The following SCN8A variants were observed in gnomAD, a reference collection of about 807,000 sequenced individuals.
SCN8A encodes the protein sodium channel protein type 8 subunit alpha.
SCN8A carries 30 observed loss-of-function variants against 184.1 expected under a neutral mutation model. The ratio of observed to expected loss-of-function variants is 0.16; its 90% CI spans 0.12 to 0.22. SCN8A has a LOEUF of 0.22. SCN8A is among the 10% of genes least tolerant of loss of function. The pLI, the probability that SCN8A is intolerant of heterozygous loss-of-function variation, is 1.00. For missense variants in SCN8A, 1,057 were observed against 2,498.9 expected, an observed-to-expected ratio of 0.42 and a Z score of 12.30; for synonymous variants, 852 against 907.0, an observed-to-expected ratio of 0.94 and a Z score of 1.09.
chr12:51,631,296 G>T (rs1219629191), intron 1 of SCN8A, among the ~76,000 whole-genome samples: 1 of 152,156 alleles, frequency 6.6e-6, no homozygotes, highest in Non-Finnish European at 1.5e-5. Flanking sequence ...CTATTGACAG[G>T]GTCAGGTTGG....
intron 11 of SCN8A, among the ~76,000 whole-genome samples, chr12:51,715,777 C>T (rs945861701): frequency 2.6e-5 from 4 of 151,880 alleles, no homozygotes; most frequent in African/African-American, 9.7e-5. Context: ...CAGCATTGAC[C>T]TAAGGCAAAA....
At chr12:51,625,188 C>G (rs893498019) in intron 1 of SCN8A, among the ~76,000 whole-genome samples, 1 of 152,198 alleles carries the variant, frequency 6.6e-6, no homozygotes, top group Non-Finnish European at 1.5e-5. Flanking sequence ...TCCCTGTAGT[C>G]AAACACCTTC....
chr12:51,626,800 A>G (rs1940088181), intron 1 of SCN8A, among the ~76,000 whole-genome samples: 1 of 150,268 alleles, frequency 6.7e-6, no homozygotes, highest in African/African-American at 2.4e-5. Flanking sequence ...ATTTATTTAT[A>G]TTAAATTATT....
At chr12:51,800,934 C>T (rs1592171094) in intron 26 of SCN8A, among the ~76,000 whole-genome samples, 1 of 152,290 alleles carries the variant, frequency 6.6e-6, no homozygotes, top group Non-Finnish European at 1.5e-5. Flanking sequence ...CCCCTTTATT[C>T]AAGGGGAATA....
intron 12 of SCN8A, among the ~76,000 whole-genome samples, chr12:51,742,824 A>G (rs1942449437): frequency 6.6e-6 from 1 of 152,134 alleles, no homozygotes; most frequent in Admixed American, 6.5e-5. Flanking sequence ...TTTTAAGGCC[A>G]ATAACTCTAA....
chr12:51,804,353 G>C (rs933491670), intron 26 of SCN8A, among the ~76,000 whole-genome samples: 1 of 150,126 alleles, frequency 6.7e-6, no homozygotes, highest in African/African-American at 2.5e-5. Context: ...TAAAGACAGA[G>C]TCTCTGCCTG....
chr12:51,665,535 T>C (rs928036617), intron 2 of SCN8A, among the ~76,000 whole-genome samples: 1 of 152,216 alleles, frequency 6.6e-6, no homozygotes, highest in Non-Finnish European at 1.5e-5. Flanking sequence ...GCACTTTAGA[T>C]ATGTTCATTG....
chr12:51,803,939 C>T (rs1271925831), intron 26 of SCN8A, among the ~76,000 whole-genome samples: 1 of 152,096 alleles, frequency 6.6e-6, no homozygotes, highest in Non-Finnish European at 1.5e-5. Context: ...ATTCTATAGC[C>T]TTCTGCAGTT....
rs147975528 is a variant in SCN8A at position 51,729,767 on chromosome 12, A to AT, written c.1998+7866dup. ...AACAGTTCCTCAGAATAGTTACACC[A>AT]TTTTTTTATCCCACCAACAATGTAT... On this transcript the variant is annotated intron_variant, in intron 12 of 26. Transcript: ENST00000627620. Among the ~76,000 whole-genome samples the AT allele has an allele frequency of 7.0e-3, 1,073 of 152,224 alleles. 13 individuals are homozygous for AT. Among genetic ancestry groups the AT allele is most frequent in the African/African-American group, 0.023 (968 of 41,528 alleles).
intron 1 of SCN8A, among the ~76,000 whole-genome samples, chr12:51,662,422 T>TTTACCTGGGTA (rs1191294092): frequency 6.6e-6 from 1 of 152,182 alleles, no homozygotes; most frequent in African/African-American, 2.4e-5. Context: ...ACAGCTAATA[T>TTTACCTGGGTA]ATGCCCCTGG....
intron 1 of SCN8A, among the ~76,000 whole-genome samples, chr12:51,631,502 A>C (rs1381402491): frequency 6.6e-6 from 1 of 152,168 alleles, no homozygotes; most frequent in East Asian, 1.9e-4. Flanking sequence ...TGCGTACTTC[A>C]ACTGGCACTG....
In SCN8A at chr12:51,751,546, C is replaced by T. The variant is rs1942595630; in HGVS notation, c.2323C>T (p.His775Tyr). 6.2e-7 allele frequency: 1 copy of T among 1,613,726 alleles called. No homozygotes were observed. The highest frequency in any genetic ancestry group is 1.7e-5 in the Admixed American group (1 of 59,988). The stretch of plus-strand genomic sequence containing the variant: ...TACACTGTTTATGGCAATGGAGCAC[C>T]ATCCTATGACACCACAATTTGAACA... ...LNTLFMAMEH[H>Y]PMTPQFEHVL... Residue 775 changes from histidine to tyrosine, a missense_variant, in exon 14 of 27, where the codon CAT becomes TAT. This residue lies in a region of SCN8A where 66 missense variants were observed against 310.6 expected (regional missense o/e 0.21). Coordinates refer to ENST00000627620, the MANE Select transcript of SCN8A (RefSeq NM_001330260.2).
chr12:51,622,957 A>G (rs1326652775), intron 1 of SCN8A, among the ~76,000 whole-genome samples: 1 of 152,180 alleles, frequency 6.6e-6, no homozygotes, highest in Non-Finnish European at 1.5e-5. Context: ...ATACAATACC[A>G]TGCTATTTAT....
chr12:51,764,017 C>CT (rs1248101594), intron 15 of SCN8A, among the ~76,000 whole-genome samples: 1 of 152,002 alleles, frequency 6.6e-6, no homozygotes, highest in Admixed American at 6.6e-5. Flanking sequence ...CCACAGTGGA[C>CT]TTTTTTGAGA....
rs1404566845 is a variant in SCN8A at position 51,809,522 on chromosome 12, GCAGCAGC to G, written c.*2094_*2100del. ...GTCCAGCTCTCTTAAGCCTGCTTCT[GCAGCAGC>G]ATCCGTAGAATTTTTGTACTACACC... On this transcript the variant is annotated 3_prime_UTR_variant, in exon 27 of 27. Transcript: ENST00000627620. The G allele has an allele frequency of 6.6e-6, 1 of 152,218 alleles. No homozygotes were observed. Among genetic ancestry groups the G allele is most frequent in the Non-Finnish European group, 1.5e-5 (1 of 68,038 alleles). The allele number at this position is 152,218 out of a possible 1,614,324, so 9.4% of individuals were successfully genotyped here. A position where few individuals can be genotyped will look rare whatever the true frequency, so the allele number is the denominator to read the frequency against.
chr12:51,670,162 C>T (rs1476705884), intron 2 of SCN8A, among the ~76,000 whole-genome samples: 1 of 152,124 alleles, frequency 6.6e-6, no homozygotes, highest in Non-Finnish European at 1.5e-5. Flanking sequence ...CATTGATGGG[C>T]ACGTATGGTC....
At chr12:51,740,859 G>T (rs552926514) in intron 12 of SCN8A, among the ~76,000 whole-genome samples, 3 of 152,116 alleles carry the variant, frequency 2.0e-5, no homozygotes, top group Non-Finnish European at 4.4e-5. Context: ...ATCTCAGCCC[G>T]CTGCAGCCTC....
chr12:51,623,338 T>C (rs1355610062), intron 1 of SCN8A, among the ~76,000 whole-genome samples: 1 of 152,232 alleles, frequency 6.6e-6, no homozygotes, highest in Non-Finnish European at 1.5e-5. Flanking sequence ...GGATTTGCAC[T>C]GGTATCTTTG....
intron 2 of SCN8A, among the ~76,000 whole-genome samples, chr12:51,671,579 T>A (rs1941131962): frequency 6.6e-6 from 1 of 152,218 alleles, no homozygotes; most frequent in Non-Finnish European, 1.5e-5. Context: ...AATGGGACTA[T>A]TTAATAATGG....
Sources: allele counts gnomAD v4.1 joint callset (sites outside exome capture counted in the v4.1 genomes callset), GRCh38; gene constraint gnomAD v4.1.1; regional missense constraint gnomAD v4.1.1; transcripts MANE v1.5; gene names NCBI Gene and HGNC (gene_info 2026-07-23, HGNC 2026-07-21).